CACNG5: variants seen among roughly 807,000 people sequenced by gnomAD.
CACNG5 encodes the protein voltage-dependent calcium channel gamma-5 subunit.
Under a neutral mutation model 24.8 loss-of-function variants are expected in CACNG5, and 18 were observed. That is an observed-to-expected ratio of 0.73 (90% CI 0.50 to 1.08). The LOEUF is 1.08. Among genes scored for constraint, CACNG5 ranks in the 50% least tolerant of loss-of-function variants. CACNG5 has a pLI of 0.00. For synonymous variants in CACNG5, 157 were observed against 149.1 expected (o/e 1.05, Z -0.39); for missense variants, 349 against 367.9 (o/e 0.95, Z 0.42).
At chr17:66,858,503 C>G (rs1222231537) in intron 1 of CACNG5, among the ~76,000 whole-genome samples, 1 of 152,206 alleles carries the variant, frequency 6.6e-6, no homozygotes, top group Non-Finnish European at 1.5e-5. Flanking sequence ...CACGCTCTCC[C>G]CAGCACCTCT....
At chr17:66,849,525 T>C (rs1976684659) in intron 1 of CACNG5, among the ~76,000 whole-genome samples, 1 of 152,192 alleles carries the variant, frequency 6.6e-6, no homozygotes, top group South Asian at 2.1e-4. Context: ...CTGAGTGGCC[T>C]TGGGCTGTGT....
intron 4 of CACNG5, 81 bp from the exon 5 acceptor site, chr17:66,884,435 T>G: frequency 6.9e-7 from 1 of 1,449,350 alleles, no homozygotes; most frequent in Admixed American, 2.1e-5. Context: ...GCTCCTGAAT[T>G]GCAAAGGGAG....
At chr17:66,847,596 G>T (rs150165267) in intron 1 of CACNG5, among the ~76,000 whole-genome samples, 238 of 152,090 alleles carry the variant, frequency 1.6e-3, no homozygotes, top group African/African-American at 5.6e-3. Flanking sequence ...GACACATAGG[G>T]ATTATGGGAG....
rs759246922 is a variant in CACNG5, at chr17:66,877,526, C to T, written c.194C>T (p.Ala65Val). 6.2e-7 allele frequency: 1 copy of T among 1,613,096 alleles called. No individual in the cohort carries two copies. Residue 65 changes from alanine to valine, a missense_variant and splice_region_variant, in exon 2 of 6, where the codon GCA becomes GTA. Coordinates refer to ENST00000533854, the MANE Select transcript of CACNG5 (RefSeq NM_145811.3). Reference sequence around the variant, plus strand: ...GGCCTCTGGCGGGTCTGCTTCCTTGCAGGTAAGGGTGCCCAGGGTTGGGGA... The same window carrying T: ...GGCCTCTGGCGGGTCTGCTTCCTTGTAGGTAAGGGTGCCCAGGGTTGGGGA... ...HSGLWRVCFL[A>V]GEERGRCFTI...
chr17:66,850,709 C>T (rs1481731685), intron 1 of CACNG5, among the ~76,000 whole-genome samples: 1 of 152,086 alleles, frequency 6.6e-6, no homozygotes, highest in East Asian at 1.9e-4. Flanking sequence ...TCCTCTCCTC[C>T]ATCCATAATG....
chr17:66,890,408 C>T lies in CACNG5; in HGVS notation c.*5168C>T, dbSNP rs2143145699. On this transcript the variant is annotated 3_prime_UTR_variant, in exon 6 of 6. Transcript: ENST00000533854. Reference sequence around the variant, plus strand: ...TGGGCAGGTGCCCCTCTAGCATCCACGTCTCCCAGGACAGGTGCTAGGGCC... The same window carrying T: ...TGGGCAGGTGCCCCTCTAGCATCCATGTCTCCCAGGACAGGTGCTAGGGCC... Among the ~76,000 whole-genome samples the T allele has an allele frequency of 1.3e-5, 2 of 152,338 alleles. No individual in the cohort carries two copies. Among genetic ancestry groups the T allele is most frequent in the South Asian group, 2.1e-4 (1 of 4,828 alleles).
chr17:66,885,802 A>C lies in CACNG5; in HGVS notation c.*562A>C, dbSNP rs141650211. Among the ~76,000 whole-genome samples the C allele has an allele frequency of 6.6e-6, 1 of 152,206 alleles. No individual in the cohort carries two copies. The highest frequency in any genetic ancestry group is 2.4e-5 in the African/African-American group (1 of 41,534). On this transcript the variant is annotated 3_prime_UTR_variant, in exon 6 of 6. Transcript: ENST00000533854. ...TTCTCCTTGTCACCCCTGTCCCTCC[A>C]CATGACACACCTGTCCATGCTCTTC...
chr17:66,843,299 C>CACCA (rs1485206137), intron 1 of CACNG5, among the ~76,000 whole-genome samples: 3 of 152,180 alleles, frequency 2.0e-5, no homozygotes, highest in Non-Finnish European at 4.4e-5. Flanking sequence ...GAAGTAAAGG[C>CACCA]ACCAAACAAA....
intron 1 of CACNG5, among the ~76,000 whole-genome samples, chr17:66,859,357 C>T (rs1449616432): frequency 6.6e-6 from 1 of 151,974 alleles, no homozygotes; most frequent in African/African-American, 2.4e-5. Flanking sequence ...GGGGGAGAAG[C>T]GGAGGGATAG....
intron 4 of CACNG5, 100 bp from the exon 5 acceptor site, chr17:66,884,416 G>C: frequency 8.0e-7 from 1 of 1,254,706 alleles, no homozygotes; most frequent in South Asian, 1.4e-5. Context: ...CCCCAAGGCT[G>C]GTGGCTTTGC....
At chr17:66,839,656 T>G (rs1976536407) in intron 1 of CACNG5, among the ~76,000 whole-genome samples, 15 of 76,580 alleles carry the variant, frequency 2.0e-4, no homozygotes, top group East Asian at 1.2e-3. Flanking sequence ...GAAGAGAAAA[T>G]GGAGGAACAT....
intron 1 of CACNG5, among the ~76,000 whole-genome samples, chr17:66,850,119 A>G (rs1045573803): frequency 9.2e-5 from 14 of 152,232 alleles, no homozygotes; most frequent in South Asian, 4.1e-4. Context: ...TCTCAAAAGC[A>G]GGCTGCAAGT....
At chr17:66,862,507 AAT>A (rs1257083919) in intron 1 of CACNG5, among the ~76,000 whole-genome samples, 2 of 152,044 alleles carry the variant, frequency 1.3e-5, no homozygotes, top group Non-Finnish European at 2.9e-5. Context: ...ACATATATAT[AAT>A]ATATAAAATG....
chr17:66,847,454 C>T (rs1568062642), intron 1 of CACNG5, among the ~76,000 whole-genome samples: 1 of 152,172 alleles, frequency 6.6e-6, no homozygotes, highest in Non-Finnish European at 1.5e-5. Context: ...TACATGGCAG[C>T]AGGCAAGAGA....
chr17:66,880,975 G>A (rs779680424), intron 4 of CACNG5, among the ~76,000 whole-genome samples: 1 of 152,180 alleles, frequency 6.6e-6, no homozygotes, highest in East Asian at 1.9e-4. Context: ...CTGAGCTCAA[G>A]CAATCCAACT....
At position 66,891,420 on chromosome 17, in the gene CACNG5, G is replaced by T. The variant is rs1196637369; in HGVS notation, c.*6180G>T. Among the ~76,000 whole-genome samples the T allele has an allele frequency of 6.6e-6, 1 of 152,240 alleles. No homozygotes were observed. Among genetic ancestry groups the T allele is most frequent in the Non-Finnish European group, 1.5e-5 (1 of 68,050 alleles). On this transcript the variant is annotated 3_prime_UTR_variant, in exon 6 of 6. Coordinates refer to ENST00000533854, the MANE Select transcript of CACNG5 (RefSeq NM_145811.3). ...GTTCTCACTCAGGATCTCCCAGGCA[G>T]TTGGAGTCAGACAGTGGCTGTCATT...
rs182992261 is a variant in CACNG5, at chr17:66,888,004, G to C, written c.*2764G>C. Reference sequence around the variant, plus strand: ...CTCAACTCAGAAATCATAAATTAGGGTCTCTTCTTCAATATACATTCTGAT... The same window carrying C: ...CTCAACTCAGAAATCATAAATTAGGCTCTCTTCTTCAATATACATTCTGAT... On this transcript the variant is annotated 3_prime_UTR_variant, in exon 6 of 6. Coordinates refer to ENST00000533854, the MANE Select transcript of CACNG5 (RefSeq NM_145811.3). 1.3e-5 allele frequency among the ~76,000 whole-genome samples: 2 copies of C among 152,082 alleles called. No individual in the cohort carries two copies. The highest frequency in any genetic ancestry group is 3.9e-4 in the East Asian group (2 of 5,172).
chr17:66,879,958 C>T (rs1469966872), intron 3 of CACNG5, among the ~76,000 whole-genome samples: 3 of 152,146 alleles, frequency 2.0e-5, no homozygotes, highest in Admixed American at 6.5e-5. Context: ...CCTGAGTCAC[C>T]TGGTTAGCAA....
At chr17:66,878,887 A>C (rs937108401) in intron 2 of CACNG5, 85 bp from the exon 3 acceptor site, 1 of 1,162,078 alleles carries the variant, frequency 8.6e-7, no homozygotes, top group Non-Finnish European at 1.3e-6. Context: ...AGATCCTAAA[A>C]ACACACTTGG....
Sources: gnomAD v4.1 joint callset for allele counts (sites outside exome capture counted in the v4.1 genomes callset) on GRCh38, gnomAD v4.1.1 for gene constraint, MANE v1.5 for transcripts, NCBI Gene and HGNC (gene_info 2026-07-23, HGNC 2026-07-21) for gene names.